RUNX2: variants seen among roughly 807,000 people sequenced by gnomAD.
RUNX2 encodes the protein RUNX family transcription factor 2.
In RUNX2, 10 loss-of-function variants were observed where a neutral mutation model predicts 51.7. The observed-to-expected ratio is 0.19, with a 90% CI of 0.12 to 0.33. The LOEUF (loss-of-function observed/expected upper bound fraction) is 0.33, where lower values mean the gene tolerates loss of function less well. Among genes scored for constraint, RUNX2 ranks in the 10% least tolerant of loss-of-function variants. RUNX2 has a pLI of 1.00. For synonymous variants in RUNX2, 276 were observed against 273.6 expected, an observed-to-expected ratio of 1.01 and a Z score of -0.09; for missense variants, 562 against 691.3, an observed-to-expected ratio of 0.81 and a Z score of 2.10.
At chr6:45,356,174 TACA>T (rs535110310) in intron 2 of RUNX2, among the ~76,000 whole-genome samples, 11 of 152,286 alleles carry the variant, frequency 7.2e-5, no homozygotes, top group South Asian at 6.2e-4. Flanking sequence ...TTCTAATGAC[TACA>T]ACAACATTTT....
intron 6 of RUNX2, among the ~76,000 whole-genome samples, chr6:45,501,822 A>G (rs761035572): frequency 6.6e-6 from 1 of 152,208 alleles, no homozygotes; most frequent in South Asian, 2.1e-4. Flanking sequence ...GGCTATTGAA[A>G]GTGTTTTTAG....
chr6:45,542,247 C>A (rs972614446), intron 7 of RUNX2, among the ~76,000 whole-genome samples: 3 of 151,988 alleles, frequency 2.0e-5, no homozygotes, highest in Admixed American at 6.6e-5. Context: ...CCCTCATAGA[C>A]CTTGGGAGGA....
intron 6 of RUNX2, among the ~76,000 whole-genome samples, chr6:45,496,277 T>C (rs1242229025): frequency 6.6e-6 from 1 of 152,080 alleles, no homozygotes; most frequent in East Asian, 1.9e-4. Context: ...ATCTCGCTTT[T>C]AGGGTGGGGG....
intron 5 of RUNX2, among the ~76,000 whole-genome samples, chr6:45,457,560 C>T (rs1220445934): frequency 1.3e-5 from 2 of 152,176 alleles, no homozygotes; most frequent in Admixed American, 1.3e-4. Flanking sequence ...ATAAGTATAT[C>T]TGGAAAAGAA....
intron 5 of RUNX2, among the ~76,000 whole-genome samples, chr6:45,473,696 C>T (rs994424081): frequency 6.6e-6 from 1 of 152,238 alleles, no homozygotes; most frequent in African/African-American, 2.4e-5. Context: ...TAATTATTTT[C>T]GTTGGATTGA....
intron 2 of RUNX2, among the ~76,000 whole-genome samples, chr6:45,345,087 T>G (rs1790575451): frequency 6.6e-6 from 1 of 152,172 alleles, no homozygotes; most frequent in Non-Finnish European, 1.5e-5. Context: ...AACTACCCAC[T>G]CATCTGCGCT....
chr6:45,389,352 A>G (rs1797422398), intron 2 of RUNX2, among the ~76,000 whole-genome samples: 1 of 152,202 alleles, frequency 6.6e-6, no homozygotes, highest in South Asian at 2.1e-4. Flanking sequence ...CCTTTTGGAA[A>G]TCCTGAACAA....
At chr6:45,489,560 C>T (rs1350019522) in intron 5 of RUNX2, among the ~76,000 whole-genome samples, 2 of 152,206 alleles carry the variant, frequency 1.3e-5, no homozygotes, top group African/African-American at 2.4e-5. Context: ...GATCATGTAG[C>T]CCTCCCCTCA....
chr6:45,496,885 A>G (rs1004296894), intron 6 of RUNX2, among the ~76,000 whole-genome samples: 1 of 151,666 alleles, frequency 6.6e-6, no homozygotes, highest in African/African-American at 2.4e-5. Context: ...ACACTGAAGG[A>G]TTCTGAATAC....
chr6:45,404,692 C>T (rs1376292904), intron 2 of RUNX2, among the ~76,000 whole-genome samples: 3 of 152,222 alleles, frequency 2.0e-5, no homozygotes, highest in Non-Finnish European at 1.5e-5. Flanking sequence ...AGAGGCCAAA[C>T]TTCACAATTT....
At chr6:45,464,742 A>C (rs115082237) in intron 5 of RUNX2, among the ~76,000 whole-genome samples, 3,084 of 152,344 alleles carry the variant, frequency 0.02, 98 homozygotes, top group African/African-American at 0.07. Context: ...ACCCTAATGA[A>C]TATTTTCCTA....
chr6:45,495,654 C>G (rs996074119), intron 6 of RUNX2, among the ~76,000 whole-genome samples: 1 of 152,212 alleles, frequency 6.6e-6, no homozygotes, highest in Admixed American at 6.5e-5. Flanking sequence ...TACCCCAAAA[C>G]TGTAGATAAT....
chr6:45,479,682 A>G (rs1165773980), intron 5 of RUNX2, among the ~76,000 whole-genome samples: 1 of 152,244 alleles, frequency 6.6e-6, no homozygotes, highest in Non-Finnish European at 1.5e-5. Flanking sequence ...ATAATTCAGC[A>G]TGAAGCCAGC....
chr6:45,457,315 A>G (rs1799344343), intron 5 of RUNX2, among the ~76,000 whole-genome samples: 1 of 152,184 alleles, frequency 6.6e-6, no homozygotes, highest in Non-Finnish European at 1.5e-5. Flanking sequence ...AACCTTTCCC[A>G]ACAGAAGAAG....
chr6:45,342,124 C>A (rs1789902993), intron 2 of RUNX2, among the ~76,000 whole-genome samples: 1 of 151,964 alleles, frequency 6.6e-6, no homozygotes, highest in African/African-American at 2.4e-5. Context: ...GAGACTGCCA[C>A]TTAGGACAGA....
chr6:45,339,121 A>T (rs1789222804), intron 2 of RUNX2, among the ~76,000 whole-genome samples: 1 of 152,162 alleles, frequency 6.6e-6, no homozygotes, highest in African/African-American at 2.4e-5. Context: ...TTATTGCTTG[A>T]CTATAAGGCT....
At chr6:45,456,847 A>G (rs546057359) in intron 5 of RUNX2, among the ~76,000 whole-genome samples, 1 of 152,350 alleles carries the variant, frequency 6.6e-6, no homozygotes, top group Admixed American at 6.5e-5. Context: ...CCCTTTTTCA[A>G]GTGATAAAGA....
chr6:45,368,833 G>C (rs1033652806), intron 2 of RUNX2, among the ~76,000 whole-genome samples: 3 of 151,834 alleles, frequency 2.0e-5, no homozygotes, highest in Non-Finnish European at 2.9e-5. Flanking sequence ...TTTATAATTA[G>C]AACATTTTTA....
At position 45,549,288 on chromosome 6, in the gene RUNX2, C is replaced by T. The variant is rs1030590783; in HGVS notation, c.*1983C>T. The T allele has an allele frequency of 5.0e-5, 20 of 398,446 alleles. No homozygotes were observed. Among genetic ancestry groups the T allele is most frequent in the East Asian group, 7.1e-5 (2 of 28,068 alleles). The allele number at this position is 398,446 out of a possible 1,614,324, so 24.7% of individuals were successfully genotyped here. On this transcript the variant is annotated 3_prime_UTR_variant, in exon 9 of 9. Transcript: ENST00000647337. The stretch of plus-strand genomic sequence containing the variant: ...GCAGAGATTTGCCTTCAAACCCTAA[C>T]GGCCCCCTTGTTCTCTGGTCCTTCT...
Sources: gnomAD v4.1 joint callset for allele counts (sites outside exome capture counted in the v4.1 genomes callset) on GRCh38, gnomAD v4.1.1 for gene constraint, MANE v1.5 for transcripts, NCBI Gene and HGNC (gene_info 2026-07-23, HGNC 2026-07-21) for gene names.